The following KIAA1549L variants were observed in gnomAD, a reference collection of about 807,000 sequenced individuals.
The protein encoded by KIAA1549L is KIAA1549 like.
In KIAA1549L, 88 loss-of-function variants were observed where a neutral mutation model predicts 160.7. That is an observed-to-expected ratio of 0.55 (90% confidence interval 0.46 to 0.65). KIAA1549L has a LOEUF of 0.65. KIAA1549L is among the 30% of genes least tolerant of loss of function. The pLI is 0.00. For synonymous variants in KIAA1549L, 950 were observed against 976.7 expected (o/e 0.97, Z 0.51); for missense variants, 2,258 against 2,437.5 (o/e 0.93, Z 1.55).
intron 1 of KIAA1549L, among the ~76,000 whole-genome samples, chr11:33,377,217 G>C (rs75252669): frequency 6.6e-6 from 1 of 152,208 alleles, no homozygotes; most frequent in Non-Finnish European, 1.5e-5. Flanking sequence ...GGGTGGCAAA[G>C]TCCCTGGTAT....
At chr11:33,643,992 C>T (rs1444132146) in intron 16 of KIAA1549L, among the ~76,000 whole-genome samples, 1 of 152,162 alleles carries the variant, frequency 6.6e-6, no homozygotes, top group Non-Finnish European at 1.5e-5. Flanking sequence ...CAATATGTCC[C>T]CCAGCCCAGG....
At chr11:33,628,544 CTTCT>C (rs1473030680) in intron 16 of KIAA1549L, among the ~76,000 whole-genome samples, 2 of 148,184 alleles carry the variant, frequency 1.3e-5, no homozygotes, top group East Asian at 2.0e-4. Context: ...ATGTAATGGC[CTTCT>C]TTGTCTCTTT....
intron 16 of KIAA1549L, among the ~76,000 whole-genome samples, chr11:33,637,603 G>T (rs1386152750): frequency 6.6e-6 from 1 of 152,220 alleles, no homozygotes. Flanking sequence ...AGTTCTGGAG[G>T]TTACAAGTTC....
intron 1 of KIAA1549L, among the ~76,000 whole-genome samples, chr11:33,489,156 G>T (rs1172158643): frequency 1.3e-5 from 2 of 152,148 alleles, no homozygotes; most frequent in African/African-American, 4.8e-5. Flanking sequence ...AGCAAAGACT[G>T]GGTGGCTTAA....
intron 1 of KIAA1549L, among the ~76,000 whole-genome samples, chr11:33,422,555 C>T (rs1263723396): frequency 1.7e-5 from 2 of 115,806 alleles, no homozygotes; most frequent in Non-Finnish European, 3.6e-5. Context: ...CCCTTCCCCC[C>T]CTCCTCTCCC....
intron 6 of KIAA1549L, among the ~76,000 whole-genome samples, chr11:33,556,232 C>T (rs560373298): frequency 3.9e-5 from 6 of 152,256 alleles, no homozygotes; most frequent in Admixed American, 1.3e-4. Flanking sequence ...GTGCATCCCC[C>T]GTGGAAGGCA....
rs368495116 is a variant in KIAA1549L, at chr11:33,496,733, CTT to C, written c.239-45066_239-45065del. Reference sequence around the variant, plus strand: ...CTGCTCCACAGTACAGCCAGAGTATCTTTTAAATATGCTCCTCAGATTGTGTA... The same window carrying C: ...CTGCTCCACAGTACAGCCAGAGTATCTTAAATATGCTCCTCAGATTGTGTA... On this transcript the variant is annotated intron_variant, in intron 1 of 20. Coordinates refer to ENST00000658780, the MANE Select transcript of KIAA1549L (RefSeq NM_012194.3). 1.3e-3 allele frequency among the ~76,000 whole-genome samples: 194 copies of C among 152,310 alleles called. 4 individuals carry two copies. The highest frequency in any genetic ancestry group is 4.5e-3 in the African/African-American group (187 of 41,566).
intron 1 of KIAA1549L, chr11:33,403,264 C>CAG (rs1282257313): frequency 6.0e-3 from 63 of 10,490 alleles, no homozygotes; most frequent in Non-Finnish European, 8.3e-3. Flanking sequence ...CACACAGACA[C>CAG]AGACACACAC....
intron 17 of KIAA1549L, among the ~76,000 whole-genome samples, chr11:33,649,367 TGGCTG>T (rs1228851808): frequency 7.9e-6 from 1 of 127,202 alleles, no homozygotes; most frequent in African/African-American, 3.5e-5. Flanking sequence ...AAAAAAAAAT[TGGCTG>T]GGCCTGTAGT....
intron 1 of KIAA1549L, among the ~76,000 whole-genome samples, chr11:33,486,388 C>A (rs1183241990): frequency 6.6e-6 from 1 of 152,128 alleles, no homozygotes; most frequent in East Asian, 1.9e-4. Context: ...GATTTTGGAT[C>A]ATACATTGCT....
intron 6 of KIAA1549L, among the ~76,000 whole-genome samples, chr11:33,559,402 G>A (rs570366528): frequency 2.4e-4 from 36 of 152,148 alleles, no homozygotes; most frequent in Non-Finnish European, 4.9e-4. Context: ...AAATCACCTG[G>A]GTTCAAATCC....
intron 1 of KIAA1549L, among the ~76,000 whole-genome samples, chr11:33,467,915 A>G (rs1289376761): frequency 6.6e-6 from 1 of 152,204 alleles, no homozygotes; most frequent in Non-Finnish European, 1.5e-5. Flanking sequence ...AAACAAACCA[A>G]CAAAAATCTT....
intron 13 of KIAA1549L, among the ~76,000 whole-genome samples, chr11:33,604,152 A>G (rs944341330): frequency 6.6e-6 from 1 of 152,182 alleles, no homozygotes; most frequent in African/African-American, 2.4e-5. Flanking sequence ...GCAACCTGAA[A>G]TTTATTATCT....
intron 1 of KIAA1549L, among the ~76,000 whole-genome samples, chr11:33,413,584 C>T (rs1279826271): frequency 6.6e-6 from 1 of 152,016 alleles, no homozygotes; most frequent in Non-Finnish European, 1.5e-5. Context: ...ACCACGATAT[C>T]TCAATGTTTA....
intron 1 of KIAA1549L, among the ~76,000 whole-genome samples, chr11:33,435,802 A>ATGTGTGTG (rs1197036690): frequency 4.9e-4 from 8 of 16,472 alleles, no homozygotes; most frequent in Middle Eastern, 0.029. Context: ...ATATATATAT[A>ATGTGTGTG]TATATATATG....
chr11:33,489,611 GC>G (rs1253172016), intron 1 of KIAA1549L, among the ~76,000 whole-genome samples: 1 of 152,196 alleles, frequency 6.6e-6, no homozygotes, highest in Non-Finnish European at 1.5e-5. Context: ...TGGAGATGCT[GC>G]CATCTTCATC....
chr11:33,435,778 A>ATGTGTGTG (rs1293537942), intron 1 of KIAA1549L, among the ~76,000 whole-genome samples: 1 of 17,628 alleles, frequency 5.7e-5, no homozygotes. Context: ...ATATATATAT[A>ATGTGTGTG]TATATATATA....
Position 33,565,220 on chromosome 11 carries a change from T to C in KIAA1549L, c.4079-2856T>C, listed in dbSNP as rs538273945. On this transcript the variant is annotated intron_variant, in intron 8 of 20. Coordinates refer to ENST00000658780, the MANE Select transcript of KIAA1549L (RefSeq NM_012194.3). Reference sequence around the variant, plus strand: ...GGTGGACAGAGAGGGCTAGGGAGCCTGAGCCTGCCACATTTTTCAGGGGAA... The same window carrying C: ...GGTGGACAGAGAGGGCTAGGGAGCCCGAGCCTGCCACATTTTTCAGGGGAA... Among the ~76,000 whole-genome samples the C allele has an allele frequency of 5.9e-5, 9 of 152,250 alleles. No individual in the cohort carries two copies. In the East Asian group the frequency reaches 1.5e-3, roughly 26 times the overall value.
intron 1 of KIAA1549L, among the ~76,000 whole-genome samples, chr11:33,380,539 C>G (rs1284307172): frequency 6.6e-6 from 1 of 152,142 alleles, no homozygotes; most frequent in Non-Finnish European, 1.5e-5. Flanking sequence ...CTGTGGATAT[C>G]TATCAGGTCC....
Sources: gnomAD v4.1 joint callset for allele counts (sites outside exome capture counted in the v4.1 genomes callset) on GRCh38, gnomAD v4.1.1 for gene constraint, MANE v1.5 for transcripts, NCBI Gene and HGNC (gene_info 2026-07-23, HGNC 2026-07-21) for gene names.